The following LSR variants were observed in gnomAD, a reference collection of about 807,000 sequenced individuals.
LSR encodes the protein lipolysis-stimulated lipoprotein receptor.
LSR carries 44 observed loss-of-function variants against 61.8 expected under a neutral mutation model. The ratio of observed to expected loss-of-function variants is 0.71; its 90% CI spans 0.56 to 0.91. The LOEUF (loss-of-function observed/expected upper bound fraction) is 0.91, where lower values mean the gene tolerates loss of function less well. LSR is among the 40% of genes least tolerant of loss of function. The pLI is 0.00. For missense variants in LSR, 911 were observed against 830.5 expected, an observed-to-expected ratio of 1.10 and a Z score of -1.19; for synonymous variants, 397 against 350.6, an observed-to-expected ratio of 1.13 and a Z score of -1.48.
Position 35,267,671 on chromosome 19 carries a change from G to A in LSR, c.1707G>A (p.Pro569=), listed in dbSNP as rs1424871190. 2 of 1,605,060 alleles carry A rather than the reference G, an allele frequency of 1.2e-6. No homozygotes were observed. The highest frequency in any genetic ancestry group is 1.1e-5 in the South Asian group (1 of 90,514). The change falls in exon 9 of 10, where the codon CCG becomes CCA. Residue 569 remains proline (P), a synonymous_variant. Coordinates refer to ENST00000605618, the MANE Select transcript of LSR (RefSeq NM_205834.4). ...HKEEEEEAYY[P]PAPPPYSETD... is the part of the protein sequence containing the mutation. The stretch of plus-strand genomic sequence containing the variant: ...AGGAGGAGGAAGAGGCCTACTACCC[G>A]CCCGCGCCGCCCCCGTACTCGGAGA...
intron 5 of LSR, among the ~76,000 whole-genome samples, chr19:35,263,731 T>C (rs1468262530): frequency 1.3e-5 from 2 of 151,920 alleles, no homozygotes; most frequent in African/African-American, 4.8e-5. Flanking sequence ...ACTCTTGACC[T>C]CAAGTGATCC....
At chr19:35,267,074 C>T in intron 8 of LSR, 35 bp from the exon 9 acceptor site, 1 of 1,527,284 alleles carries the variant, frequency 6.5e-7, no homozygotes. Flanking sequence ...ACCCCGGGCT[C>T]CTCCAGCAGT....
At position 35,262,478 on chromosome 19, in the gene LSR, C is replaced by T. The variant is rs539887538; in HGVS notation, c.632-68C>T. ...CTCAGTGCTGGCTCCGCACCATGTACCCCTGCTGTGCCGTTAGCCCTGTTC... is the reference window on the plus strand; with the variant it reads ...CTCAGTGCTGGCTCCGCACCATGTATCCCTGCTGTGCCGTTAGCCCTGTTC... On this transcript the variant is annotated intron_variant, in intron 4 of 9. Transcript: ENST00000605618. 215 of 1,562,536 alleles carry T rather than the reference C, an allele frequency of 1.4e-4. No individual in the cohort carries two copies. The African/African-American group carries it at 2.7e-3, about 20-fold the overall frequency.
At chr19:35,251,983 C>T (rs112373494) in intron 2 of LSR, among the ~76,000 whole-genome samples, 25,429 of 148,548 alleles carry the variant, frequency 0.17, 2,537 homozygotes, top group African/African-American at 0.25. Flanking sequence ...TACAGGCGCC[C>T]GCCACTACGC....
In LSR at chr19:35,267,750, C is replaced by T; in HGVS notation, c.1770+16C>T. 6.2e-7 allele frequency: 1 copy of T among 1,611,178 alleles called. No homozygotes were observed. The highest frequency in any genetic ancestry group is 8.5e-7 in the Non-Finnish European group (1 of 1,179,074). On this transcript the variant is annotated intron_variant, in intron 9 of 9. Transcript: ENST00000605618. ...GCTCAAGAAGGTGAGGGCCGCCCTCCCTGGCGTCCAGACCGTCCCTGGGCC... is the reference window on the plus strand; with the variant it reads ...GCTCAAGAAGGTGAGGGCCGCCCTCTCTGGCGTCCAGACCGTCCCTGGGCC...
At chr19:35,267,007 G>C in intron 8 of LSR, 40 bp downstream of exon 8, 16 of 1,585,262 alleles carry the variant, frequency 1.0e-5, no homozygotes, top group Non-Finnish European at 1.4e-5. Flanking sequence ...TTTAAGGTGG[G>C]GGGGTGAAAC....
chr19:35,260,279 G>C (rs1312608416), intron 3 of LSR, among the ~76,000 whole-genome samples: 1 of 148,182 alleles, frequency 6.7e-6, no homozygotes, highest in Non-Finnish European at 1.5e-5. Context: ...GAATTAAAAT[G>C]GGGAGATTTT....
intron 2 of LSR, among the ~76,000 whole-genome samples, chr19:35,256,980 G>GCA (rs2065864643): frequency 6.6e-6 from 1 of 152,114 alleles, no homozygotes; most frequent in Non-Finnish European, 1.5e-5. Flanking sequence ...GGGACTACAG[G>GCA]TGCGTGCCAC....
Position 35,267,358 on chromosome 19 carries a change from C to T in LSR, c.1394C>T (p.Pro465Leu), listed in dbSNP as rs543146732. The T allele has an allele frequency of 3.3e-6, 5 of 1,533,058 alleles. No homozygotes were observed. The highest frequency in any genetic ancestry group is 2.6e-6 in the Non-Finnish European group (3 of 1,138,236). 95.0% of individuals were successfully genotyped at this position (1,533,058 alleles called of 1,614,324 possible). Residue 465 changes from proline to leucine, a missense_variant, in exon 9 of 10, where the codon CCC becomes CTC. Physicochemically the swap from Pro to Leu is moderately conservative, Grantham distance 98. Transcript: ENST00000605618. ...ACCGCCGAGTCAGGGAGCAGGTCTC[C>T]CACGAGTAATGGTGGGAGAAGCCGG... ...PSTAESGSRSPTSNGGRSRAY... is the reference protein window; with the variant it reads ...PSTAESGSRSLTSNGGRSRAY...
At chr19:35,263,560 G>A (rs1169755614) in intron 5 of LSR, among the ~76,000 whole-genome samples, 1 of 151,942 alleles carries the variant, frequency 6.6e-6, no homozygotes, top group Non-Finnish European at 1.5e-5. Flanking sequence ...CGGGGTCTCA[G>A]TATGTTGCCC....
Position 35,249,094 on chromosome 19 carries a change from C to T in LSR, c.72C>T (p.Val24=). 1 of 1,554,076 alleles carries T rather than the reference C, an allele frequency of 6.4e-7. No individual in the cohort carries two copies. Among genetic ancestry groups the T allele is most frequent in the Admixed American group, 2.0e-5 (1 of 50,276 alleles). Reference sequence around the variant, plus strand: ...CGGCCGCCGCAGGCCGGGACGCGGTCGTCTTCGTGTGGCTTCTGCTTAGCA... The same window carrying T: ...CGGCCGCCGCAGGCCGGGACGCGGTTGTCTTCGTGTGGCTTCTGCTTAGCA... ...SHPAAAGRDA[V]VFVWLLLSTW... is the part of the protein sequence containing the mutation. The change falls in exon 1 of 10, where the codon GTC becomes GTT. Residue 24 remains valine, a synonymous_variant. Transcript: ENST00000605618.
At chr19:35,267,005 G>A (rs775065591) in intron 8 of LSR, 38 bp downstream of exon 8, 19 of 1,583,216 alleles carry the variant, frequency 1.2e-5, no homozygotes, top group African/African-American at 4.1e-5. Context: ...CTTTTAAGGT[G>A]GGGGGGTGAA....
At position 35,267,807 on chromosome 19, in the gene LSR, T is replaced by TG; in HGVS notation, c.1771-17_1771-16insG. The TG allele has an allele frequency of 1.2e-6, 2 of 1,613,938 alleles. No homozygotes were observed. Among genetic ancestry groups the TG allele is most frequent in the East Asian group, 2.2e-5 (1 of 44,842 alleles). On this transcript the variant is annotated splice_polypyrimidine_tract_variant and intron_variant, in intron 9 of 9. Coordinates refer to ENST00000605618, the MANE Select transcript of LSR (RefSeq NM_205834.4). ...CGGTCCCCGCGGCTCATACCCTTCT[T>TG]TCTTTCTCCCTTGCAGAACTTGGCC...
At chr19:35,262,329 G>A (rs1239444094) in intron 4 of LSR, among the ~76,000 whole-genome samples, 1 of 152,134 alleles carries the variant, frequency 6.6e-6, no homozygotes, top group Non-Finnish European at 1.5e-5. Context: ...TGCACCTGGG[G>A]GAGGGCCGTA....
At chr19:35,261,305 A>G (rs2065925343) in intron 3 of LSR, among the ~76,000 whole-genome samples, 2 of 152,240 alleles carry the variant, frequency 1.3e-5, no homozygotes, top group Admixed American at 1.3e-4. Flanking sequence ...CTGTTTTAAA[A>G]AAAATGTGTG....
intron 5 of LSR, among the ~76,000 whole-genome samples, chr19:35,263,798 A>G (rs2065961479): frequency 6.6e-6 from 1 of 151,752 alleles, no homozygotes; most frequent in Non-Finnish European, 1.5e-5. Flanking sequence ...ACCTGGCCTT[A>G]AACTTAAGCA....
chr19:35,260,625 CAAGG>C (rs2065914992), intron 3 of LSR, among the ~76,000 whole-genome samples: 1 of 152,122 alleles, frequency 6.6e-6, no homozygotes, highest in Admixed American at 6.5e-5. Flanking sequence ...CCAAGATACA[CAAGG>C]AAGACTGGGC....
chr19:35,260,387 G>A (rs889200928), intron 3 of LSR, among the ~76,000 whole-genome samples: 1 of 149,374 alleles, frequency 6.7e-6, no homozygotes, highest in Admixed American at 6.8e-5. Flanking sequence ...CACCTCCTGG[G>A]TTCACGCCAT....
At chr19:35,250,048 GA>G (rs1271605822) in intron 1 of LSR, among the ~76,000 whole-genome samples, 2 of 152,174 alleles carry the variant, frequency 1.3e-5, no homozygotes, top group African/African-American at 4.8e-5. Flanking sequence ...GTGTGGTTCA[GA>G]GGCCACAGGC....
Sources: gnomAD v4.1 joint callset for allele counts (sites outside exome capture counted in the v4.1 genomes callset) on GRCh38, gnomAD v4.1.1 for gene constraint, MANE v1.5 for transcripts, NCBI Gene and HGNC (gene_info 2026-07-23, HGNC 2026-07-21) for gene names.